The following HOMER1 variants were observed in gnomAD, a reference collection of about 807,000 sequenced individuals.
HOMER1 encodes homer scaffold protein 1.
Under a neutral mutation model 48.9 loss-of-function variants are expected in HOMER1, and 3 were observed. The observed-to-expected ratio is 0.06, with a 90% CI of 0.03 to 0.16. The LOEUF is 0.16. HOMER1 is among the 10% of genes least tolerant of loss of function. The probability of loss-of-function intolerance (pLI) is 1.00; values close to 1 mark genes in which losing one functional copy is unlikely to be tolerated. For missense variants in HOMER1, 247 were observed against 411.4 expected (o/e 0.60, Z 3.46); for synonymous variants, 134 against 146.4 (o/e 0.92, Z 0.61).
chr5:79,401,974 C>T lies in HOMER1; in HGVS notation c.609G>A (p.Glu203=), dbSNP rs192231749. The T allele has an allele frequency of 3.8e-4, 615 of 1,614,026 alleles. 1 individual carries two copies. In the African/African-American group the frequency reaches 7.5e-3, roughly 20 times the overall value. ...TCCATTGTTTCACATTGGCAGTGGACTCCAGCAGGGCTGCAGTGAGTTTGG... is the reference window on the plus strand; with the variant it reads ...TCCATTGTTTCACATTGGCAGTGGATTCCAGCAGGGCTGCAGTGAGTTTGG... ...NNAKLTAALL[E]STANVKQWKQ... The change falls in exon 6 of 9, where the codon GAG becomes GAA. Residue 203 remains glutamate, a synonymous_variant. Transcript: ENST00000334082.
At chr5:79,463,189 C>CCTCT (rs1751362683) in intron 1 of HOMER1, among the ~76,000 whole-genome samples, 1 of 152,198 alleles carries the variant, frequency 6.6e-6, no homozygotes, top group South Asian at 2.1e-4. Flanking sequence ...GATACTCTAC[C>CCTCT]CTCTTCCATA....
chr5:79,496,090 G>T (rs1752413103), intron 1 of HOMER1, among the ~76,000 whole-genome samples: 1 of 152,198 alleles, frequency 6.6e-6, no homozygotes, highest in South Asian at 2.1e-4. Flanking sequence ...ATGGTGCCTG[G>T]TTTGACAAAA....
chr5:79,396,083 A>C (rs1749375876), intron 8 of HOMER1, among the ~76,000 whole-genome samples: 1 of 152,138 alleles, frequency 6.6e-6, no homozygotes, highest in Non-Finnish European at 1.5e-5. Context: ...TGAGCTGGCA[A>C]GAGAAGACTT....
chr5:79,452,681 C>G (rs1180841594), intron 2 of HOMER1, among the ~76,000 whole-genome samples: 1 of 151,674 alleles, frequency 6.6e-6, no homozygotes, highest in Non-Finnish European at 1.5e-5. Flanking sequence ...TGACACCTGT[C>G]CTACTAAAAA....
intron 1 of HOMER1, among the ~76,000 whole-genome samples, chr5:79,475,268 A>ACTGTTGGCTCTAGAGCCCGTATC (rs1554061923): frequency 6.6e-6 from 1 of 150,990 alleles, no homozygotes; most frequent in African/African-American, 2.4e-5. Flanking sequence ...GAGCCGGCAC[A>ACTGTTGGCTCTAGAGCCCGTATC]CTGTCTGGCT....
At chr5:79,477,170 A>C (rs1265454311) in intron 1 of HOMER1, among the ~76,000 whole-genome samples, 1 of 152,208 alleles carries the variant, frequency 6.6e-6, no homozygotes, top group Non-Finnish European at 1.5e-5. Flanking sequence ...AAAAAACAAT[A>C]GATATATCAT....
In HOMER1 at chr5:79,441,140, G is replaced by C. The variant is rs569795591; in HGVS notation, c.388-1991C>G. On this transcript the variant is annotated intron_variant, in intron 4 of 8. Transcript: ENST00000334082. Reference sequence around the variant, plus strand: ...ACTGCACTCCAGCCTGGGCAACAGAGTGAGACTCCATCTCAAAATAAAAAA... The same window carrying C: ...ACTGCACTCCAGCCTGGGCAACAGACTGAGACTCCATCTCAAAATAAAAAA... 2.0e-5 allele frequency among the ~76,000 whole-genome samples: 3 copies of C among 152,248 alleles called. No individual in the cohort carries two copies. The East Asian group carries it at 5.8e-4, about 29-fold the overall frequency.
intron 6 of HOMER1, among the ~76,000 whole-genome samples, chr5:79,399,454 C>T (rs1270636587): frequency 1.3e-5 from 2 of 152,150 alleles, no homozygotes; most frequent in South Asian, 2.1e-4. Context: ...TTCTGCTAGT[C>T]CCTGCTAAAT....
intron 1 of HOMER1, among the ~76,000 whole-genome samples, chr5:79,505,617 TAA>T (rs1304072052): frequency 6.6e-6 from 1 of 152,160 alleles, no homozygotes; most frequent in African/African-American, 2.4e-5. Flanking sequence ...AACATTAAAA[TAA>T]GATGTTCGTA....
intron 8 of HOMER1, among the ~76,000 whole-genome samples, chr5:79,376,644 A>G (rs1240158897): frequency 1.3e-5 from 2 of 152,230 alleles, no homozygotes; most frequent in Non-Finnish European, 2.9e-5. Flanking sequence ...AGAAAGATTT[A>G]GACAAGAAAG....
intron 8 of HOMER1, among the ~76,000 whole-genome samples, chr5:79,391,147 T>G (rs1749240094): frequency 6.6e-6 from 1 of 150,972 alleles, no homozygotes; most frequent in African/African-American, 2.4e-5. Flanking sequence ...TTTTTGTTTT[T>G]TTTTTTTTTG....
In HOMER1 at chr5:79,439,156, A is replaced by C; in HGVS notation, c.388-7T>G. 2 of 1,613,672 alleles carry C rather than the reference A, an allele frequency of 1.2e-6. No homozygotes were observed. The highest frequency in any genetic ancestry group is 3.3e-5 in the Admixed American group (2 of 59,986). On this transcript the variant is annotated splice_region_variant and splice_polypyrimidine_tract_variant and intron_variant, in intron 4 of 8. Coordinates refer to ENST00000334082, the MANE Select transcript of HOMER1 (RefSeq NM_004272.5). ...GATCCCCGCCTGCGGATTCCTTTAA[A>C]AAAAGGGGTGGGGGATAAAAAATAG...
chr5:79,395,205 T>G (rs1749349802), intron 8 of HOMER1, among the ~76,000 whole-genome samples: 1 of 152,226 alleles, frequency 6.6e-6, no homozygotes, highest in Non-Finnish European at 1.5e-5. Context: ...GTGCTTAACA[T>G]ATGCTTGAAT....
chr5:79,449,632 C>G (rs1057138325), intron 3 of HOMER1, among the ~76,000 whole-genome samples: 1 of 152,046 alleles, frequency 6.6e-6, no homozygotes, highest in African/African-American at 2.4e-5. Flanking sequence ...GCCACCACAC[C>G]CAGCTAATTT....
chr5:79,486,348 T>C (rs927095080), intron 1 of HOMER1, among the ~76,000 whole-genome samples: 1 of 152,110 alleles, frequency 6.6e-6, no homozygotes, highest in Non-Finnish European at 1.5e-5. Context: ...ATGAGAACAA[T>C]GTGCAAAGAT....
chr5:79,509,080 A>G (rs993203433), intron 1 of HOMER1, among the ~76,000 whole-genome samples: 15 of 152,230 alleles, frequency 9.9e-5, no homozygotes, highest in East Asian at 5.8e-4. Flanking sequence ...TAGAGAGCAG[A>G]ACCCTGCAGT....
intron 5 of HOMER1, among the ~76,000 whole-genome samples, chr5:79,402,617 T>C (rs779875702): frequency 1.3e-5 from 2 of 152,220 alleles, no homozygotes; most frequent in Non-Finnish European, 2.9e-5. Flanking sequence ...ACCTTCATTA[T>C]GACAGATACA....
chr5:79,457,083 C>T (rs558426893), intron 1 of HOMER1, 65 bp from the exon 2 acceptor site: 10 of 1,437,604 alleles, frequency 7.0e-6, no homozygotes, highest in Non-Finnish European at 8.8e-6. Context: ...GACAAGAGAA[C>T]ATGAAAACTG....
At chr5:79,399,254 G>A (rs894982642) in intron 6 of HOMER1, among the ~76,000 whole-genome samples, 13 of 152,104 alleles carry the variant, frequency 8.5e-5, no homozygotes, top group Non-Finnish European at 1.9e-4. Context: ...ACATCTTTTT[G>A]CCTGAAGGTA....
Sources: gnomAD v4.1 joint callset for allele counts (sites outside exome capture counted in the v4.1 genomes callset) on GRCh38, gnomAD v4.1.1 for gene constraint, MANE v1.5 for transcripts, NCBI Gene and HGNC (gene_info 2026-07-23, HGNC 2026-07-21) for gene names.